The following SAMMSON variants were observed in gnomAD, a reference collection of about 807,000 sequenced individuals.
SAMMSON encodes survival associated mitochondrial melanoma specific oncogenic non-coding RNA, also known as long intergenic non-protein coding RNA 1212.
chr3:70,271,027 G>C (rs1701971465), intron 6 of SAMMSON, among the ~76,000 whole-genome samples: 1 of 151,684 alleles, frequency 6.6e-6, no homozygotes, highest in Non-Finnish European at 1.5e-5. Context: ...AGAACTTCAA[G>C]TATAATAATA....
At chr3:70,105,996 T>G (rs2067366003) in intron 4 of SAMMSON, among the ~76,000 whole-genome samples, 1 of 152,202 alleles carries the variant, frequency 6.6e-6, no homozygotes, top group African/African-American at 2.4e-5. Context: ...CCCTACTCCT[T>G]AACACTTTCT....
At chr3:70,036,160 G>T (rs1408715195) in intron 3 of SAMMSON, among the ~76,000 whole-genome samples, 3 of 152,106 alleles carry the variant, frequency 2.0e-5, no homozygotes, top group African/African-American at 7.2e-5. Context: ...ACTTGGTTTG[G>T]AATAAGGGAG....
At chr3:70,010,755 T>C (rs1576094444) in intron 1 of SAMMSON, among the ~76,000 whole-genome samples, 1 of 152,122 alleles carries the variant, frequency 6.6e-6, no homozygotes, top group Admixed American at 6.6e-5. Flanking sequence ...TGACTCACAG[T>C]TCCGCATTGT....
chr3:70,273,517 T>C (rs868181601), intron 6 of SAMMSON, among the ~76,000 whole-genome samples: 3 of 152,080 alleles, frequency 2.0e-5, no homozygotes, highest in Non-Finnish European at 4.4e-5. Flanking sequence ...GATAATACAG[T>C]TATATCACCT....
intron 4 of SAMMSON, among the ~76,000 whole-genome samples, chr3:70,246,065 T>G (rs890230920): frequency 6.6e-6 from 1 of 151,908 alleles, no homozygotes; most frequent in Non-Finnish European, 1.5e-5. Flanking sequence ...AGTTCTTTTA[T>G]TCCCAAAAGA....
chr3:70,336,498 C>A (rs1436795735), intron 7 of SAMMSON, among the ~76,000 whole-genome samples: 1 of 151,932 alleles, frequency 6.6e-6, no homozygotes, highest in East Asian at 1.9e-4. Flanking sequence ...ACATATCTGT[C>A]AATCTTGGAG....
intron 7 of SAMMSON, among the ~76,000 whole-genome samples, chr3:70,325,044 T>C (rs1702568797): frequency 6.6e-6 from 1 of 152,086 alleles, no homozygotes; most frequent in Admixed American, 6.6e-5. Context: ...AACTCCGGTG[T>C]TTACATGCAA....
At position 70,125,057 on chromosome 3, in the gene SAMMSON, A is replaced by G. The variant is rs554266924; in HGVS notation, n.507+53492A>G. Reference sequence around the variant, plus strand: ...GATACAGGATTCAAAAGAAACCTTTATTAATTTTTAACACTTTCTTTTTCC... The same window carrying G: ...GATACAGGATTCAAAAGAAACCTTTGTTAATTTTTAACACTTTCTTTTTCC... On this transcript the variant is annotated intron_variant and non_coding_transcript_variant, in intron 4 of 9. Transcript: ENST00000642114. The G allele has an allele frequency of 9.8e-6, 8 of 812,870 alleles. No individual in the cohort carries two copies. The East Asian group carries it at 2.1e-4, about 22-fold the overall frequency. The allele number at this position is 812,870 out of a possible 1,614,324, so 50.4% of individuals were successfully genotyped here.
intron 4 of SAMMSON, chr3:70,125,288 A>G (rs2067452167): frequency 8.5e-6 from 11 of 1,296,006 alleles, no homozygotes; most frequent in Non-Finnish European, 1.2e-5. Flanking sequence ...TGAAAAGTCA[A>G]CATATCTTCC....
chr3:70,105,369 G>A (rs1033215327), intron 4 of SAMMSON, among the ~76,000 whole-genome samples: 3 of 152,182 alleles, frequency 2.0e-5, no homozygotes, highest in Non-Finnish European at 2.9e-5. Context: ...GGGAGAAGCT[G>A]GAGCTGGAGT....
chr3:70,274,525 T>C (rs892759634), intron 6 of SAMMSON, among the ~76,000 whole-genome samples: 10 of 152,118 alleles, frequency 6.6e-5, no homozygotes, highest in African/African-American at 2.4e-4. Flanking sequence ...AACTTCCAAA[T>C]TGAACAGAAA....
At chr3:70,298,424 T>G (rs1253549716) in intron 7 of SAMMSON, among the ~76,000 whole-genome samples, 1 of 152,124 alleles carries the variant, frequency 6.6e-6, no homozygotes, top group Non-Finnish European at 1.5e-5. Flanking sequence ...TCCTTATAAT[T>G]TGTTTGTGTC....
At chr3:70,241,879 G>A (rs571729068) in intron 4 of SAMMSON, among the ~76,000 whole-genome samples, 1 of 152,292 alleles carries the variant, frequency 6.6e-6, no homozygotes, top group African/African-American at 2.4e-5. Context: ...GTAGAGATGG[G>A]CTTAGAACGA....
At chr3:70,170,446 T>G (rs1276110816) in intron 4 of SAMMSON, among the ~76,000 whole-genome samples, 1 of 151,834 alleles carries the variant, frequency 6.6e-6, no homozygotes, top group Non-Finnish European at 1.5e-5. Flanking sequence ...AATTTAAAAT[T>G]CATTAATTAT....
At chr3:70,097,764 C>T (rs1009871456) in intron 4 of SAMMSON, among the ~76,000 whole-genome samples, 1 of 152,172 alleles carries the variant, frequency 6.6e-6, no homozygotes, top group African/African-American at 2.4e-5. Context: ...TCAAAGGTTA[C>T]TCGCAATCAT....
chr3:70,146,831 A>G (rs572614896), intron 4 of SAMMSON, among the ~76,000 whole-genome samples: 9 of 152,130 alleles, frequency 5.9e-5, no homozygotes, highest in South Asian at 4.2e-4. Context: ...ATCCAGTACA[A>G]CCAAGCTAGA....
chr3:70,363,904 C>T (rs73837909), intron 9 of SAMMSON, among the ~76,000 whole-genome samples: 177 of 150,782 alleles, frequency 1.2e-3, no homozygotes, highest in African/African-American at 2.8e-3. Flanking sequence ...TTTTATTTTA[C>T]GTGAGCATTT....
intron 4 of SAMMSON, among the ~76,000 whole-genome samples, chr3:70,226,980 T>A (rs1701513732): frequency 6.6e-6 from 1 of 152,170 alleles, no homozygotes; most frequent in African/African-American, 2.4e-5. Context: ...ACTGGAGCAG[T>A]GGCTCTTGAT....
At chr3:70,088,312 A>G (rs769268279) in intron 4 of SAMMSON, among the ~76,000 whole-genome samples, 20 of 152,172 alleles carry the variant, frequency 1.3e-4, no homozygotes, top group African/African-American at 4.1e-4. Flanking sequence ...ATGCCCAACC[A>G]TGGAGCAGGG....
Sources: gnomAD v4.1 joint callset for allele counts (sites outside exome capture counted in the v4.1 genomes callset) on GRCh38, gnomAD v4.1.1 for gene constraint, MANE v1.5 for transcripts, NCBI Gene and HGNC (gene_info 2026-07-23, HGNC 2026-07-21) for gene names.